Variants in C3 observed in about 807,000 individuals in gnomAD.
C3 encodes complement C3, also known as C3 and PZP-like alpha-2-macroglobulin domain-containing protein 1.
A neutral mutation model predicts 207.9 loss-of-function variants in C3; 97 were observed. The observed-to-expected ratio is 0.47, with a 90% confidence interval of 0.40 to 0.55. The LOEUF (loss-of-function observed/expected upper bound fraction) is 0.55, where lower values mean the gene tolerates loss of function less well. Ranked by LOEUF, C3 falls within the 20% of genes least tolerant of loss-of-function variation. C3 has a pLI of 0.00. For synonymous variants in C3, 848 were observed against 857.6 expected (o/e 0.99, Z 0.20); for missense variants, 1,684 against 2,171.7 (o/e 0.78, Z 4.46).
At chr19:6,710,939 A>C in intron 12 of C3, 48 bp downstream of exon 12, 1 of 1,606,406 alleles carries the variant, frequency 6.2e-7, no homozygotes, top group Non-Finnish European at 8.5e-7. Context: ...AGGGGTGCGG[A>C]AGAAACAAGG....
chr19:6,688,133 C>T (rs1290331097), intron 27 of C3, among the ~76,000 whole-genome samples: 5 of 150,072 alleles, frequency 3.3e-5, no homozygotes, highest in Admixed American at 6.6e-5. Context: ...CGTGAGCCAC[C>T]GCGCCTGGCC....
Position 6,702,232 on chromosome 19 carries a change from G to A in C3, c.2355-20C>T. ...GAGATTCTGGATGGAGAAGAGGTTG[G>A]GGTATTAGGAGATGTCATCTAGCAG... On this transcript the variant is annotated intron_variant, in intron 18 of 40. Coordinates refer to ENST00000245907, the MANE Select transcript of C3 (RefSeq NM_000064.4). 6.7e-7 allele frequency: 1 copy of A among 1,496,318 alleles called. No individual in the cohort carries two copies. Among genetic ancestry groups the A allele is most frequent in the Admixed American group, 1.7e-5 (1 of 59,894 alleles). The allele number at this position is 1,496,318 out of a possible 1,614,324, so 92.7% of individuals were successfully genotyped here.
intron 27 of C3, among the ~76,000 whole-genome samples, chr19:6,689,317 C>CTCTG (rs1918094363): frequency 8.7e-6 from 1 of 115,108 alleles, no homozygotes; most frequent in Non-Finnish European, 1.8e-5. Context: ...CTCTCTCTCT[C>CTCTG]TCTCTACCTA....
intron 11 of C3, among the ~76,000 whole-genome samples, 164 bp from the exon 12 acceptor site, chr19:6,711,360 G>A (rs892603491): frequency 6.6e-6 from 1 of 152,128 alleles, no homozygotes; most frequent in African/African-American, 2.4e-5. Context: ...TATGTAGGTG[G>A]AGCTAATGTA....
In C3 at chr19:6,686,748, T is replaced by G; in HGVS notation, c.3644A>C (p.Lys1215Thr). Reference sequence around the variant, plus strand: ...CACCCCTCCAGGCCAACCCTCACCTTTGGCTGTGGTCAGAAATTTGTTAAG... The same window carrying G: ...CACCCCTCCAGGCCAACCCTCACCTGTGGCTGTGGTCAGAAATTTGTTAAG... ...PLLNKFLTTA[K>T]DKNRWEDPGK... Residue 1215 changes from lysine to threonine, a missense_variant and splice_region_variant, in exon 28 of 41, where the codon AAA becomes ACA. By Grantham distance (78) the Lys-to-Thr change is moderately conservative (BLOSUM62 -1). This residue lies in a region of C3 where 1,280 missense variants were observed against 1,739.1 expected (regional missense o/e 0.74). Transcript: ENST00000245907. 6.2e-7 allele frequency: 1 copy of G among 1,613,784 alleles called. No homozygotes were observed. The highest frequency in any genetic ancestry group is 8.5e-7 in the Non-Finnish European group (1 of 1,180,022).
rs1741320362 is a variant in C3 at position 6,711,337 on chromosome 19, C to A, written c.1270-141G>T. 7 of 714,900 alleles carry A rather than the reference C, an allele frequency of 9.8e-6. No homozygotes were observed. The Admixed American group carries it at 1.0e-4, about 10-fold the overall frequency. The allele number at this position is 714,900 out of a possible 1,614,324, so 44.3% of individuals were successfully genotyped here. On this transcript the variant is annotated intron_variant, in intron 11 of 40. Transcript: ENST00000245907. ...TAAGTTAGGGATCTGGAGATGGAAT[C>A]ATTATCCTGGATTATGTAGGTGGAG...
intron 23 of C3, among the ~76,000 whole-genome samples, chr19:6,695,918 A>G (rs1318897616): frequency 6.6e-6 from 1 of 152,164 alleles, no homozygotes; most frequent in Non-Finnish European, 1.5e-5. Flanking sequence ...TATGGTTAAA[A>G]AAATTTTTAG....
chr19:6,679,308 C>A, intron 37 of C3, 99 bp downstream of exon 37: 2 of 1,443,554 alleles, frequency 1.4e-6, no homozygotes, highest in African/African-American at 2.8e-5. Context: ...CCCTTGGTAT[C>A]CCCTGGGTAT....
At position 6,697,801 on chromosome 19, in the gene C3, G is replaced by C. The variant is rs372528487; in HGVS notation, c.2441-7C>G. The C allele has an allele frequency of 6.2e-7, 1 of 1,611,512 alleles. No homozygotes were observed. The highest frequency in any genetic ancestry group is 8.5e-7 in the Non-Finnish European group (1 of 1,179,314). On this transcript the variant is annotated splice_polypyrimidine_tract_variant and splice_region_variant and intron_variant, in intron 19 of 40. Transcript: ENST00000245907. ...GGGTCTGCCACACAGATCCCTGCTC[G>C]GGCAGAGACAGAACACGGAGTGTCA...
chr19:6,683,719 G>C (rs577548946), intron 33 of C3, among the ~76,000 whole-genome samples: 3 of 152,224 alleles, frequency 2.0e-5, no homozygotes, highest in Admixed American at 2.0e-4. Flanking sequence ...CCAAAGTGCT[G>C]GGATTACAGG....
chr19:6,686,968 C>A, intron 27 of C3, 66 bp from the exon 28 acceptor site: 1 of 1,500,320 alleles, frequency 6.7e-7, no homozygotes, highest in South Asian at 1.1e-5. Context: ...AAGGATCATT[C>A]GAGCAGCACT....
At position 6,711,066 on chromosome 19, in the gene C3, G is replaced by A; in HGVS notation, c.1400C>T (p.Pro467Leu). Residue 467 changes from proline (P) to leucine (L), a missense_variant, in exon 12 of 41, where the codon CCC becomes CTC. This residue lies in a region of C3 where 1,280 missense variants were observed against 1,739.1 expected (regional missense o/e 0.74). Coordinates refer to ENST00000245907, the MANE Select transcript of C3 (RefSeq NM_000064.4). ...GAAGTTGACGTTGAGGGTCTCCCCG[G>A]GTCTGAGCTCTGTACGTAGCACTGA... The part of the protein sequence containing the change: ...HLSVLRTELR[P>L]GETLNVNFLL... The A allele has an allele frequency of 6.2e-7, 1 of 1,614,136 alleles. No individual in the cohort carries two copies. The highest frequency in any genetic ancestry group is 8.5e-7 in the Non-Finnish European group (1 of 1,180,010).
At position 6,679,207 on chromosome 19, in the gene C3, C is replaced by T; in HGVS notation, c.4548G>A (p.Glu1516=). Residue 1516 remains glutamate, a splice_region_variant and synonymous_variant, in exon 38 of 41, where the codon GAG becomes GAA. Transcript: ENST00000245907. ...CATCCGACTTTTGTATGAAGCAATTCTCTGCAGGGTGGGGTGGAGACAGGG... is the reference window on the plus strand; with the variant it reads ...CATCCGACTTTTGTATGAAGCAATTTTCTGCAGGGTGGGGTGGAGACAGGG... ...CRDELCRCAE[E]NCFIQKSDDK... 6.2e-7 allele frequency: 1 copy of T among 1,613,954 alleles called. No individual in the cohort carries two copies. Among genetic ancestry groups the T allele is most frequent in the Non-Finnish European group, 8.5e-7 (1 of 1,179,804 alleles).
chr19:6,680,310 G>T, intron 35 of C3, 47 bp from the exon 36 acceptor site: 1 of 973,854 alleles, frequency 1.0e-6, no homozygotes, highest in Non-Finnish European at 1.7e-6. Flanking sequence ...GTGGGAGGGA[G>T]TCCAGCATTG....
chr19:6,691,338 C>A (rs1384711294), intron 26 of C3, among the ~76,000 whole-genome samples: 2 of 152,108 alleles, frequency 1.3e-5, no homozygotes, highest in African/African-American at 2.4e-5. Context: ...CAGGCATGAG[C>A]CACTGCGCCC....
intron 26 of C3, among the ~76,000 whole-genome samples, chr19:6,692,061 T>C (rs924006472): frequency 2.0e-5 from 3 of 150,854 alleles, no homozygotes; most frequent in Non-Finnish European, 4.4e-5. Context: ...TCCTGGGTCC[T>C]GCCCCTAGAA....
chr19:6,715,201 G>A lies in C3; in HGVS notation c.505-755C>T, dbSNP rs11085199. On this transcript the variant is annotated intron_variant, in intron 4 of 40. Transcript: ENST00000245907. The stretch of plus-strand genomic sequence containing the variant: ...CAAAAAATAATGTATTAGGGCGAGC[G>A]CAATGGCTCAAGCCTGTAATCCCAG... Among the ~76,000 whole-genome samples the A allele has an allele frequency of 1.4e-3, 207 of 152,120 alleles. 1 individual carries two copies. The highest frequency in any genetic ancestry group is 2.2e-3 in the Non-Finnish European group (153 of 68,004).
intron 35 of C3, 43 bp downstream of exon 35, chr19:6,681,898 G>T (rs1917871375): frequency 5.0e-6 from 7 of 1,410,916 alleles, no homozygotes; most frequent in East Asian, 2.3e-5. Flanking sequence ...TAGAGGTCAG[G>T]GTGCCCCTGG....
intron 14 of C3, 41 bp downstream of exon 14, chr19:6,709,643 C>A (rs1276974316): frequency 7.9e-7 from 1 of 1,268,784 alleles, no homozygotes; most frequent in African/African-American, 1.5e-5. Flanking sequence ...CAGCTCCGTG[C>A]CTCCGCCTCT....
Sources: allele counts gnomAD v4.1 joint callset (sites outside exome capture counted in the v4.1 genomes callset), GRCh38; gene constraint gnomAD v4.1.1; regional missense constraint gnomAD v4.1.1; transcripts MANE v1.5; gene names NCBI Gene and HGNC (gene_info 2026-07-23, HGNC 2026-07-21).